PRKCB: variants seen among roughly 807,000 people sequenced by gnomAD.
PRKCB encodes the protein protein kinase C beta type.
Under a neutral mutation model 81.5 loss-of-function variants are expected in PRKCB, and 13 were observed. The ratio of observed to expected loss-of-function variants is 0.16; its 90% CI spans 0.10 to 0.25. PRKCB has a LOEUF of 0.25. Among genes scored for constraint, PRKCB ranks in the 10% least tolerant of loss-of-function variants. PRKCB has a pLI of 1.00. For missense variants in PRKCB, 509 were observed against 875.7 expected (o/e 0.58, Z 5.29); for synonymous variants, 335 against 321.4 (o/e 1.04, Z -0.45).
chr16:24,211,718 CTGGCTAATTTTT>C (rs1354732508), intron 16 of PRKCB, among the ~76,000 whole-genome samples: 3 of 152,086 alleles, frequency 2.0e-5, no homozygotes, highest in Non-Finnish European at 4.4e-5. Flanking sequence ...GACACCACGC[CTGGCTAATTTTT>C]TGTATTTTTA....
At chr16:24,112,252 G>C (rs1367462571) in intron 7 of PRKCB, among the ~76,000 whole-genome samples, 1 of 152,246 alleles carries the variant, frequency 6.6e-6, no homozygotes, top group African/African-American at 2.4e-5. Context: ...CATGACAAGA[G>C]TGTATTTACA....
chr16:23,897,595 G>C (rs1310405887), intron 2 of PRKCB, among the ~76,000 whole-genome samples: 1 of 152,092 alleles, frequency 6.6e-6, no homozygotes, highest in Admixed American at 6.5e-5. Context: ...CTGTCACCTG[G>C]CAGCTTATGC....
intron 3 of PRKCB, among the ~76,000 whole-genome samples, chr16:24,008,770 G>A (rs547805043): frequency 1.7e-4 from 26 of 152,240 alleles, no homozygotes; most frequent in Middle Eastern, 3.4e-3. Flanking sequence ...GTTGATGATG[G>A]ATGCAGTACG....
intron 8 of PRKCB, among the ~76,000 whole-genome samples, chr16:24,121,193 C>T (rs551536735): frequency 6.6e-6 from 1 of 152,204 alleles, no homozygotes. Flanking sequence ...GCTGTTCCTG[C>T]TGCCAATACC....
At chr16:24,124,657 A>G (rs1237997532) in intron 9 of PRKCB, among the ~76,000 whole-genome samples, 7 of 152,168 alleles carry the variant, frequency 4.6e-5, no homozygotes, top group Admixed American at 2.6e-4. Flanking sequence ...AGATTGTGTT[A>G]TAAGTATTTC....
At chr16:24,000,129 G>A (rs899831978) in intron 3 of PRKCB, among the ~76,000 whole-genome samples, 3 of 152,186 alleles carry the variant, frequency 2.0e-5, no homozygotes, top group Non-Finnish European at 4.4e-5. Flanking sequence ...TCAAGTGGTA[G>A]AAAAATAGAT....
At chr16:24,061,995 C>T (rs1230092044) in intron 5 of PRKCB, among the ~76,000 whole-genome samples, 3 of 151,312 alleles carry the variant, frequency 2.0e-5, no homozygotes, top group Non-Finnish European at 2.9e-5. Flanking sequence ...TGGGCAGCTT[C>T]ATGGGACAGC....
At chr16:24,021,032 C>CTTTATTTATTTA (rs1401984747) in intron 3 of PRKCB, among the ~76,000 whole-genome samples, 7 of 139,386 alleles carry the variant, frequency 5.0e-5, no homozygotes, top group African/African-American at 2.0e-4. Flanking sequence ...TTCTTTCTTT[C>CTTTATTTATTTA]TTTCTTTCTC....
chr16:23,874,683 C>T (rs1042085757), intron 2 of PRKCB, among the ~76,000 whole-genome samples: 2 of 150,734 alleles, frequency 1.3e-5, no homozygotes, highest in African/African-American at 4.9e-5. Context: ...TAAAAACCAA[C>T]TTGCAGGCCA....
intron 2 of PRKCB, among the ~76,000 whole-genome samples, chr16:23,930,942 G>A (rs1302876500): frequency 1.3e-5 from 2 of 152,190 alleles, no homozygotes; most frequent in South Asian, 2.1e-4. Flanking sequence ...GCCTAGGATC[G>A]CTCAGAAAGC....
At chr16:24,181,878 G>A (rs1287221232) in intron 13 of PRKCB, among the ~76,000 whole-genome samples, 2 of 149,410 alleles carry the variant, frequency 1.3e-5, no homozygotes, top group African/African-American at 4.9e-5. Flanking sequence ...ATGAGTAAAA[G>A]CATACAAAAA....
chr16:24,162,797 A>G (rs1478393242), intron 10 of PRKCB, among the ~76,000 whole-genome samples: 1 of 152,094 alleles, frequency 6.6e-6, no homozygotes, highest in Non-Finnish European at 1.5e-5. Context: ...CGTGCAATGT[A>G]CCTTATTCAG....
chr16:24,068,294 C>T (rs1966063256), intron 5 of PRKCB, among the ~76,000 whole-genome samples: 1 of 152,116 alleles, frequency 6.6e-6, no homozygotes. Flanking sequence ...GTTGAGTTCA[C>T]TTCTCTGCTC....
chr16:23,851,702 G>T (rs375170832), intron 2 of PRKCB, among the ~76,000 whole-genome samples: 12 of 152,224 alleles, frequency 7.9e-5, no homozygotes, highest in African/African-American at 2.9e-4. Context: ...ATATTAATTT[G>T]TCTAGTCCAT....
intron 16 of PRKCB, among the ~76,000 whole-genome samples, chr16:24,200,203 C>T (rs1000836657): frequency 2.0e-5 from 3 of 150,836 alleles, no homozygotes; most frequent in Non-Finnish European, 4.4e-5. Flanking sequence ...GAGACAGGCT[C>T]ATTAAGGAGT....
intron 10 of PRKCB, among the ~76,000 whole-genome samples, chr16:24,155,295 C>T (rs1967139729): frequency 6.6e-6 from 1 of 152,138 alleles, no homozygotes; most frequent in Non-Finnish European, 1.5e-5. Flanking sequence ...AGAACACAGC[C>T]CTCGAGGACT....
intron 2 of PRKCB, among the ~76,000 whole-genome samples, chr16:23,986,427 T>C (rs1194386020): frequency 2.6e-5 from 4 of 151,964 alleles, no homozygotes; most frequent in Admixed American, 6.6e-5. Context: ...TAATCTTTTA[T>C]TTTTTGTAGA....
At chr16:23,842,653 T>C (rs866322128) in intron 2 of PRKCB, among the ~76,000 whole-genome samples, 6 of 152,194 alleles carry the variant, frequency 3.9e-5, no homozygotes, top group African/African-American at 7.2e-5. Flanking sequence ...AAAGCTAGAA[T>C]TGATGATTAT....
intron 2 of PRKCB, among the ~76,000 whole-genome samples, chr16:23,895,407 A>T (rs1443079252): frequency 6.6e-6 from 1 of 151,970 alleles, no homozygotes; most frequent in Non-Finnish European, 1.5e-5. Context: ...CTGCTTTTTA[A>T]TTATTTCCTC....
Sources: gnomAD v4.1 joint callset for allele counts (sites outside exome capture counted in the v4.1 genomes callset) on GRCh38, gnomAD v4.1.1 for gene constraint, MANE v1.5 for transcripts, NCBI Gene and HGNC (gene_info 2026-07-23, HGNC 2026-07-21) for gene names.